The following ADAMTS16 variants were observed in gnomAD, a reference collection of about 807,000 sequenced individuals.
The protein encoded by ADAMTS16 is ADAM metallopeptidase with thrombospondin type 1 motif 16.
Under a neutral mutation model 145.8 loss-of-function variants are expected in ADAMTS16, and 94 were observed. The ratio of observed to expected loss-of-function variants is 0.64; its 90% CI spans 0.55 to 0.77. ADAMTS16 has a LOEUF of 0.77. ADAMTS16 is among the 30% of genes least tolerant of loss of function. The pLI is 0.00. For missense variants in ADAMTS16, 1,585 were observed against 1,591.5 expected, an observed-to-expected ratio of 1.00 and a Z score of 0.07; for synonymous variants, 659 against 604.3, an observed-to-expected ratio of 1.09 and a Z score of -1.33.
chr5:5,315,815 CCCA>C (rs1463270681), intron 21 of ADAMTS16, among the ~76,000 whole-genome samples: 1 of 151,990 alleles, frequency 6.6e-6, no homozygotes, highest in Admixed American at 6.5e-5. Context: ...CGTGAATCTC[CCCA>C]CATTATTTTT....
chr5:5,215,866 A>G (rs1386686452), intron 10 of ADAMTS16, among the ~76,000 whole-genome samples: 44 of 50,570 alleles, frequency 8.7e-4, no homozygotes, highest in South Asian at 2.4e-3. Context: ...TGTGGTGTGT[A>G]TGTGTATATA....
At chr5:5,224,877 C>T (rs1356561658) in intron 11 of ADAMTS16, among the ~76,000 whole-genome samples, 1 of 152,146 alleles carries the variant, frequency 6.6e-6, no homozygotes, top group Non-Finnish European at 1.5e-5. Context: ...CTACTTTTCC[C>T]TGGGTAATGT....
intron 3 of ADAMTS16, among the ~76,000 whole-genome samples, chr5:5,158,457 A>C (rs1734657959): frequency 6.6e-6 from 1 of 151,972 alleles, no homozygotes; most frequent in Admixed American, 6.6e-5. Flanking sequence ...CAAAAGGCCC[A>C]ATCTAAAACT....
Position 5,225,370 on chromosome 5 carries a change from G to A in ADAMTS16, c.1701+2486G>A, listed in dbSNP as rs114433863. Among the ~76,000 whole-genome samples, 931 of 152,246 alleles carry A rather than the reference G, an allele frequency of 6.1e-3. 5 individuals carry two copies. Among genetic ancestry groups the A allele is most frequent in the African/African-American group, 0.021 (858 of 41,560 alleles). On this transcript the variant is annotated intron_variant, in intron 11 of 22. Transcript: ENST00000274181. ...TAATCTCAGCACTTTGGAAAGCTGAGGTGGGCAGATCACGACGAGGTCAAG... is the reference window on the plus strand; with the variant it reads ...TAATCTCAGCACTTTGGAAAGCTGAAGTGGGCAGATCACGACGAGGTCAAG...
At chr5:5,220,042 G>A (rs539516627) in intron 10 of ADAMTS16, among the ~76,000 whole-genome samples, 5 of 152,100 alleles carry the variant, frequency 3.3e-5, no homozygotes, top group East Asian at 3.9e-4. Flanking sequence ...CTCTGTCACT[G>A]GTTTTCACAG....
chr5:5,249,642 A>C lies in ADAMTS16; in HGVS notation c.2662+7451A>C, dbSNP rs555076790. Among the ~76,000 whole-genome samples, 13 of 152,246 alleles carry C rather than the reference A, an allele frequency of 8.5e-5. No individual in the cohort carries two copies. The South Asian group carries it at 2.7e-3, about 32-fold the overall frequency. On this transcript the variant is annotated intron_variant, in intron 17 of 22. Transcript: ENST00000274181. ...CAATACTCTCTCAGCTCTGCCATCC[A>C]GGAAAGGGTGTCTGCGACCCCTGGA...
intron 11 of ADAMTS16, among the ~76,000 whole-genome samples, chr5:5,230,128 G>A (rs1217993717): frequency 6.6e-6 from 1 of 152,120 alleles, no homozygotes; most frequent in African/African-American, 2.4e-5. Context: ...CAGGGGACGT[G>A]TTCAATGGCA....
rs763100262 is a variant in ADAMTS16, at chr5:5,242,042, T to C, written c.2524-11T>C. The C allele has an allele frequency of 6.2e-7, 1 of 1,613,872 alleles. No individual in the cohort carries two copies. Among genetic ancestry groups the C allele is most frequent in the East Asian group, 2.2e-5 (1 of 44,862 alleles). On this transcript the variant is annotated splice_polypyrimidine_tract_variant and intron_variant, in intron 16 of 22. Transcript: ENST00000274181. Reference sequence around the variant, plus strand: ...AATTTGTTTTATTTTTTCCCCTTTCTTATTTTGTAGCTGCTGTTTCAGGGA... The same window carrying C: ...AATTTGTTTTATTTTTTCCCCTTTCCTATTTTGTAGCTGCTGTTTCAGGGA...
chr5:5,298,330 G>A (rs958041053), intron 18 of ADAMTS16, among the ~76,000 whole-genome samples: 2 of 152,246 alleles, frequency 1.3e-5, no homozygotes, highest in South Asian at 2.1e-4. Context: ...TCTACCTACT[G>A]TGCTCATTTA....
chr5:5,230,700 G>A (rs765532354), intron 11 of ADAMTS16, among the ~76,000 whole-genome samples: 16 of 152,102 alleles, frequency 1.1e-4, no homozygotes, highest in Non-Finnish European at 1.8e-4. Flanking sequence ...ATGTCAATAC[G>A]CCTTTCTGAG....
rs760445297 is a variant in ADAMTS16, at chr5:5,235,192, T to C, written c.2023+6T>C. On this transcript the variant is annotated splice_donor_region_variant and intron_variant, in intron 13 of 22. Transcript: ENST00000274181. ...GCCTTACACTCAAGTAGAAGGTAAA[T>C]CTCAAACTGCTTTCGGGTAATAGCC... 38 of 1,558,514 alleles carry C rather than the reference T, an allele frequency of 2.4e-5. No homozygotes were observed. Among genetic ancestry groups the C allele is most frequent in the Non-Finnish European group, 3.1e-5 (35 of 1,141,366 alleles).
intron 3 of ADAMTS16, among the ~76,000 whole-genome samples, chr5:5,167,758 C>T (rs1327207152): frequency 3.3e-5 from 5 of 152,234 alleles, no homozygotes; most frequent in Non-Finnish European, 7.3e-5. Flanking sequence ...TCCACAAGTG[C>T]TTTGCCCTGG....
chr5:5,209,312 G>A, intron 10 of ADAMTS16, 66 bp downstream of exon 10: 1 of 1,567,870 alleles, frequency 6.4e-7, no homozygotes, highest in Non-Finnish European at 8.7e-7. Flanking sequence ...TAGTGTAACT[G>A]ATGTTGATAT....
At chr5:5,183,647 G>T (rs549507353) in intron 4 of ADAMTS16, among the ~76,000 whole-genome samples, 1 of 152,184 alleles carries the variant, frequency 6.6e-6, no homozygotes, top group Non-Finnish European at 1.5e-5. Context: ...CGATCCTTTC[G>T]TTCCTCTCTG....
intron 17 of ADAMTS16, among the ~76,000 whole-genome samples, chr5:5,259,719 C>G (rs962423482): frequency 2.0e-5 from 3 of 152,224 alleles, no homozygotes; most frequent in Non-Finnish European, 1.5e-5. Flanking sequence ...GGTGAACATG[C>G]AGTAGCTACC....
Position 5,186,230 on chromosome 5 carries a change from C to T in ADAMTS16, c.942C>T (p.Tyr314=), listed in dbSNP as rs779883064. The T allele has an allele frequency of 1.9e-6, 3 of 1,613,630 alleles. No individual in the cohort carries two copies. The highest frequency in any genetic ancestry group is 2.2e-5 in the South Asian group (2 of 91,070). Reference sequence around the variant, plus strand: ...ATGGCCATGAAAATATCACCACCTACGTGCTCACGATACTCAACATGGTAG... The same window carrying T: ...ATGGCCATGAAAATATCACCACCTATGTGCTCACGATACTCAACATGGTAG... ...QNHGHENITT[Y]VLTILNMVSA... is the part of the protein sequence containing the mutation. Residue 314 remains tyrosine, a synonymous_variant, in exon 5 of 23, where the codon TAC becomes TAT. Transcript: ENST00000274181.
intron 10 of ADAMTS16, among the ~76,000 whole-genome samples, chr5:5,217,491 T>C (rs571708489): frequency 7.2e-5 from 11 of 152,336 alleles, no homozygotes; most frequent in South Asian, 4.1e-4. Context: ...GTTTCAGGTC[T>C]TAGGTTTGAG....
chr5:5,267,595 G>A (rs775191729), intron 18 of ADAMTS16, among the ~76,000 whole-genome samples: 4 of 152,190 alleles, frequency 2.6e-5, no homozygotes, highest in Middle Eastern at 3.4e-3. Flanking sequence ...CCCCTCTGCC[G>A]ATGTGTTTCT....
intron 20 of ADAMTS16, 84 bp downstream of exon 20, chr5:5,303,850 C>A: frequency 2.1e-6 from 3 of 1,418,802 alleles, no homozygotes; most frequent in East Asian, 2.5e-5. Context: ...TCTCTTCTCA[C>A]TTCTCTCTCT....
Sources: gnomAD v4.1 joint callset for allele counts (sites outside exome capture counted in the v4.1 genomes callset) on GRCh38, gnomAD v4.1.1 for gene constraint, MANE v1.5 for transcripts, NCBI Gene and HGNC (gene_info 2026-07-23, HGNC 2026-07-21) for gene names.